The following ERC1 variants were observed in gnomAD, a reference collection of about 807,000 sequenced individuals.
The protein encoded by ERC1 is ELKS/RAB6-interacting/CAST family member 1.
A neutral mutation model predicts 132.0 loss-of-function variants in ERC1; 56 were observed. The observed-to-expected ratio is 0.42, with a 90% CI of 0.34 to 0.53. ERC1 has a LOEUF of 0.53. Ranked by LOEUF, ERC1 falls within the 20% of genes least tolerant of loss-of-function variation. ERC1 has a pLI of 0.03. For missense variants in ERC1, 1,202 were observed against 1,349.9 expected (o/e 0.89, Z 1.72); for synonymous variants, 478 against 476.1 (o/e 1.00, Z -0.05).
At chr12:1,406,400 TAGA>T (rs2091492441) in intron 16 of ERC1, among the ~76,000 whole-genome samples, 1 of 152,122 alleles carries the variant, frequency 6.6e-6, no homozygotes, top group Non-Finnish European at 1.5e-5. Context: ...TTTGACAGAG[TAGA>T]ATTGGTGGAC....
At chr12:1,063,171 A>G (rs7980813) in intron 2 of ERC1, among the ~76,000 whole-genome samples, 34,578 of 151,954 alleles carry the variant, frequency 0.23, 4,353 homozygotes, top group Middle Eastern at 0.28. Context: ...GGGTTCAAGC[A>G]GTTCTCCTGC....
chr12:1,400,916 A>ATTTTTTTTTTTTTTTTTTTTTTTTTTTT (rs869202443), intron 16 of ERC1, among the ~76,000 whole-genome samples: 1 of 15,040 alleles, frequency 6.6e-5, no homozygotes, highest in African/African-American at 3.1e-4. Flanking sequence ...CTATTTTTGT[A>ATTTTTTTTTTTTTTTTTTTTTTTTTTTT]TTTTTTTTTT....
At chr12:1,275,392 G>A (rs2078194066) in intron 14 of ERC1, among the ~76,000 whole-genome samples, 2 of 152,176 alleles carry the variant, frequency 1.3e-5, no homozygotes, top group Admixed American at 6.5e-5. Flanking sequence ...GGAGGCTGAG[G>A]CAGGAGAATC....
intron 2 of ERC1, among the ~76,000 whole-genome samples, chr12:1,041,107 TAAA>T (rs1226582186): frequency 6.6e-6 from 1 of 151,854 alleles, no homozygotes; most frequent in Admixed American, 6.6e-5. Flanking sequence ...GATACTAAAA[TAAA>T]AAAATAATAT....
chr12:1,123,767 G>A (rs1235224371), intron 7 of ERC1, among the ~76,000 whole-genome samples: 2 of 152,196 alleles, frequency 1.3e-5, no homozygotes, highest in Non-Finnish European at 2.9e-5. Flanking sequence ...GGCTGAGGCG[G>A]GTGGATCACC....
chr12:1,355,031 G>A (rs1269909231), intron 15 of ERC1, among the ~76,000 whole-genome samples: 2 of 152,138 alleles, frequency 1.3e-5, no homozygotes, highest in African/African-American at 4.8e-5. Flanking sequence ...GAGAAGGTGG[G>A]GTTCCATGAT....
At chr12:1,143,316 T>C (rs1950020875) in intron 8 of ERC1, among the ~76,000 whole-genome samples, 2 of 148,226 alleles carry the variant, frequency 1.3e-5, no homozygotes, top group Middle Eastern at 3.4e-3. Context: ...CTAGCTCTGT[T>C]TGGCTTTTGA....
chr12:1,211,265 C>A (rs1957843380), intron 12 of ERC1, among the ~76,000 whole-genome samples: 1 of 152,060 alleles, frequency 6.6e-6, no homozygotes. Flanking sequence ...TCTCCTGCCT[C>A]AGCCTCTGGA....
Position 1,495,140 on chromosome 12 carries a change from A to G in ERC1, c.*4910A>G, listed in dbSNP as rs2094347732. On this transcript the variant is annotated 3_prime_UTR_variant, in exon 19 of 19. Transcript: ENST00000360905. ...TCTAGCTCAGTGTGCCTAATACTGC[A>G]TGGTAACCTGGGCTTGACCCTGAAG... 4.4e-6 allele frequency: 1 copy of G among 229,836 alleles called. No homozygotes were observed. Among genetic ancestry groups the G allele is most frequent in the Non-Finnish European group, 8.6e-6 (1 of 115,924 alleles). 14.2% of individuals were successfully genotyped at this position (229,836 alleles called of 1,614,324 possible). A position where few individuals can be genotyped will look rare whatever the true frequency, so the allele number is the denominator to read the frequency against.
chr12:1,490,213 C>T lies in ERC1; in HGVS notation c.3334C>T (p.Leu1112=), dbSNP rs775000382. ...CATCCTAGAGCAAGTGGTCAACGCC[C>T]TGGAAGAGTCCTCTTGACCCTGCTT... ...PDILEQVVNA[L]EESS Residue 1112 remains leucine, a synonymous_variant, in exon 19 of 19, where the codon CTG becomes TTG. Coordinates refer to ENST00000360905, the MANE Select transcript of ERC1 (RefSeq NM_178040.4). The T allele has an allele frequency of 6.2e-7, 1 of 1,614,118 alleles. No homozygotes were observed. Among genetic ancestry groups the T allele is most frequent in the Non-Finnish European group, 8.5e-7 (1 of 1,180,008 alleles).
At chr12:1,005,386 A>C (rs1245663735) in intron 1 of ERC1, among the ~76,000 whole-genome samples, 1 of 152,000 alleles carries the variant, frequency 6.6e-6, no homozygotes, top group Non-Finnish European at 1.5e-5. Flanking sequence ...TAAGTCATCT[A>C]CCCACCTTGG....
At chr12:1,229,572 T>A (rs75631579) in intron 12 of ERC1, among the ~76,000 whole-genome samples, 1 of 152,228 alleles carries the variant, frequency 6.6e-6, no homozygotes, top group African/African-American at 2.4e-5. Context: ...TCTAGAAATT[T>A]ATTCATTTCT....
At chr12:996,249 CTTTTTTTTT>C (rs35403554) in intron 1 of ERC1, among the ~76,000 whole-genome samples, 6 of 43,768 alleles carry the variant, frequency 1.4e-4, no homozygotes, top group Admixed American at 3.1e-4. Flanking sequence ...CCATGCCTGG[CTTTTTTTTT>C]TTTTTTTTTT....
At chr12:1,149,494 G>A (rs1950653197) in intron 8 of ERC1, among the ~76,000 whole-genome samples, 1 of 152,156 alleles carries the variant, frequency 6.6e-6, no homozygotes, top group Admixed American at 6.5e-5. Flanking sequence ...TGTGTCTGGA[G>A]CTCAAGCAGT....
chr12:1,408,170 A>G lies in ERC1; in HGVS notation c.2947A>G (p.Met983Val), dbSNP rs575544618. 2 of 1,614,034 alleles carry G rather than the reference A, an allele frequency of 1.2e-6. No individual in the cohort carries two copies. The highest frequency in any genetic ancestry group is 2.2e-5 in the South Asian group (2 of 91,062). Residue 983 changes from methionine to valine, a missense_variant, in exon 17 of 19, where the codon ATG becomes GTG. By Grantham distance (21) the Met-to-Val change is conservative. Transcript: ENST00000360905. ...KQQTQNRMKL[M>V]ADNYEDDHFK... is the part of the protein sequence containing the mutation. ...CTAGACGCAAAATCGAATGAAGCTAATGGCCGACAACTACGAGGATGACCA... is the reference window on the plus strand; with the variant it reads ...CTAGACGCAAAATCGAATGAAGCTAGTGGCCGACAACTACGAGGATGACCA...
chr12:1,266,201 T>C (rs1283620474), intron 14 of ERC1, among the ~76,000 whole-genome samples: 1 of 152,094 alleles, frequency 6.6e-6, no homozygotes, highest in Admixed American at 6.5e-5. Flanking sequence ...TGTTTTCTTG[T>C]CCACCTTTCT....
rs564117914 is a variant in ERC1, at chr12:1,398,044, C to G, written c.2926-10105C>G. 2.6e-5 allele frequency among the ~76,000 whole-genome samples: 4 copies of G among 152,268 alleles called. No homozygotes were observed. The South Asian group carries it at 8.3e-4, about 32-fold the overall frequency. Reference sequence around the variant, plus strand: ...TCTCTCCCAGGCTGGAGCGCAGGGGCACAGTCACCACTCACTGCAGCCTCA... The same window carrying G: ...TCTCTCCCAGGCTGGAGCGCAGGGGGACAGTCACCACTCACTGCAGCCTCA... On this transcript the variant is annotated intron_variant, in intron 16 of 18. Transcript: ENST00000360905.
chr12:1,449,121 C>T (rs938905940), intron 18 of ERC1, among the ~76,000 whole-genome samples: 1 of 152,146 alleles, frequency 6.6e-6, no homozygotes, highest in Admixed American at 6.5e-5. Flanking sequence ...CCAATTTCTC[C>T]CATTTGGAGT....
At chr12:1,104,918 A>G in intron 4 of ERC1, 94 bp downstream of exon 4, 1 of 747,482 alleles carries the variant, frequency 1.3e-6, no homozygotes, top group Non-Finnish European at 2.4e-6. Flanking sequence ...ATGGCATGTA[A>G]TAGTATTTCA....
Sources: allele counts gnomAD v4.1 joint callset (sites outside exome capture counted in the v4.1 genomes callset), GRCh38; gene constraint gnomAD v4.1.1; transcripts MANE v1.5; gene names NCBI Gene and HGNC (gene_info 2026-07-23, HGNC 2026-07-21).